Variants in PIEZO2 observed in about 807,000 individuals in gnomAD.
PIEZO2 encodes the protein piezo type mechanosensitive ion channel component 2, also known as piezo-type mechanosensitive ion channel component 2.
Under a neutral mutation model 337.3 loss-of-function variants are expected in PIEZO2, and 172 were observed. The observed-to-expected ratio is 0.51, with a 90% CI of 0.45 to 0.58. The LOEUF (loss-of-function observed/expected upper bound fraction) is 0.58, where lower values mean the gene tolerates loss of function less well. Ranked by LOEUF, PIEZO2 falls within the 20% of genes least tolerant of loss-of-function variation. The probability of loss-of-function intolerance (pLI) is 0.00; values close to 1 mark genes in which losing one functional copy is unlikely to be tolerated. For synonymous variants in PIEZO2, 1,251 were observed against 1,228.5 expected, an observed-to-expected ratio of 1.02 and a Z score of -0.38; for missense variants, 3,028 against 3,391.3, an observed-to-expected ratio of 0.89 and a Z score of 2.66.
At chr18:10,984,199 T>C (rs1051281204) in intron 2 of PIEZO2, among the ~76,000 whole-genome samples, 2 of 151,342 alleles carry the variant, frequency 1.3e-5, no homozygotes, top group African/African-American at 4.9e-5. Flanking sequence ...TTCAAGAAAA[T>C]ATGACATCAC....
In PIEZO2 at chr18:10,856,598, A is replaced by T. The variant is rs975431499; in HGVS notation, c.703+403T>A. Among the ~76,000 whole-genome samples the T allele has an allele frequency of 6.6e-6, 1 of 152,218 alleles. No homozygotes were observed. The highest frequency in any genetic ancestry group is 6.5e-5 in the Admixed American group (1 of 15,288). The stretch of plus-strand genomic sequence containing the variant: ...TATCCTGGAGAGTTATATTAAGGTG[A>T]CTATGGACTCATGTAAGCAGACAGA... On this transcript the variant is annotated intron_variant, in intron 6 of 55. Transcript: ENST00000674853. The surrounding 1 kb of genome is among the most constrained non-coding windows in gnomAD (Gnocchi z 4.7).
chr18:10,921,571 T>C (rs2031406582), intron 3 of PIEZO2, among the ~76,000 whole-genome samples: 1 of 152,076 alleles, frequency 6.6e-6, no homozygotes, highest in Non-Finnish European at 1.5e-5. Context: ...CTGTGATAAT[T>C]GCACTAACTG....
At chr18:10,931,251 G>C (rs2032065550) in intron 3 of PIEZO2, among the ~76,000 whole-genome samples, 1 of 152,146 alleles carries the variant, frequency 6.6e-6, no homozygotes, top group Non-Finnish European at 1.5e-5. Context: ...CCAGGCTGGA[G>C]TGCAGTGGCG....
Position 10,953,900 on chromosome 18 carries a change from C to T in PIEZO2, c.286+25635G>A, listed in dbSNP as rs573816084. ...CCCTGGTTACTATGTGAGGACGATA[C>T]TGCCTTGTTTTAATGATTTGCGGCT... On this transcript the variant is annotated intron_variant, in intron 3 of 55. Coordinates refer to ENST00000674853, the MANE Select transcript of PIEZO2 (RefSeq NM_001378183.1). This position sits in a 1 kb window ranked among gnomAD's most constrained non-coding sequence, Gnocchi z 5.2. 3.3e-5 allele frequency among the ~76,000 whole-genome samples: 5 copies of T among 152,276 alleles called. No individual in the cohort carries two copies. Among genetic ancestry groups the T allele is most frequent in the Admixed American group, 3.3e-4 (5 of 15,298 alleles).
In PIEZO2 at chr18:11,027,937, T is replaced by C. The variant is rs1397633878; in HGVS notation, c.160+38190A>G. On this transcript the variant is annotated intron_variant, in intron 2 of 55. Coordinates refer to ENST00000674853, the MANE Select transcript of PIEZO2 (RefSeq NM_001378183.1). This position sits in a 1 kb window ranked among gnomAD's most constrained non-coding sequence, Gnocchi z 4.2. ...CTAGAAGAGCCTTCGTAGAGTACTC[T>C]TTGATAAATTCTTCAAACACTGTTT... Among the ~76,000 whole-genome samples, 2 of 152,242 alleles carry C rather than the reference T, an allele frequency of 1.3e-5. No homozygotes were observed. Among genetic ancestry groups the C allele is most frequent in the Non-Finnish European group, 2.9e-5 (2 of 68,056 alleles).
In PIEZO2 at chr18:11,016,682, T is replaced by A. The variant is rs1166179673; in HGVS notation, c.161-37022A>T. ...AATGCACAAAACAGGTACATGGTGT[T>A]GAAGAAATCATGTTTCATGATGAAA... On this transcript the variant is annotated intron_variant, in intron 2 of 55. Transcript: ENST00000674853. The surrounding 1 kb of genome is among the most constrained non-coding windows in gnomAD (Gnocchi z 5.6). 6.6e-6 allele frequency among the ~76,000 whole-genome samples: 1 copy of A among 152,228 alleles called. No individual in the cohort carries two copies. The highest frequency in any genetic ancestry group is 1.5e-5 in the Non-Finnish European group (1 of 68,030).
At chr18:10,911,679 T>C (rs1372082790) in intron 3 of PIEZO2, among the ~76,000 whole-genome samples, 1 of 152,058 alleles carries the variant, frequency 6.6e-6, no homozygotes, top group Non-Finnish European at 1.5e-5. Context: ...CACTTGAACA[T>C]GGAGGCAGAG....
At chr18:11,084,149 C>A (rs1157796208) in intron 1 of PIEZO2, among the ~76,000 whole-genome samples, 1 of 136,708 alleles carries the variant, frequency 7.3e-6, no homozygotes, top group African/African-American at 2.9e-5. Flanking sequence ...TTTACTCCAG[C>A]CTGGGCAAAA....
chr18:10,782,691 G>A (rs2039073391), intron 17 of PIEZO2, among the ~76,000 whole-genome samples: 1 of 151,136 alleles, frequency 6.6e-6, no homozygotes, highest in Non-Finnish European at 1.5e-5. Context: ...AGGAAGGCAA[G>A]TCAGGACTCA....
intron 40 of PIEZO2, among the ~76,000 whole-genome samples, chr18:10,706,469 C>T (rs2035592073): frequency 6.6e-6 from 1 of 152,160 alleles, no homozygotes; most frequent in South Asian, 2.1e-4. Context: ...CTCTCCTTGG[C>T]CCTTCTCCCT....
Position 10,696,930 on chromosome 18 carries a change from G to T in PIEZO2, c.6828-391C>A, listed in dbSNP as rs145057491. On this transcript the variant is annotated intron_variant, in intron 45 of 55. Transcript: ENST00000674853. ...GTTTTCTCATCTGTAAAACTGGAGT[G>T]ATGAGAAGACCTGATGCCTAGGGCC... is the stretch of plus-strand genomic sequence containing the variant. 2.3e-4 allele frequency among the ~76,000 whole-genome samples: 35 copies of T among 152,288 alleles called. No individual in the cohort carries two copies. In the East Asian group the frequency reaches 6.8e-3, roughly 29 times the overall value.
At position 10,752,621 on chromosome 18, in the gene PIEZO2, G is replaced by A; in HGVS notation, c.4167+15C>T. On this transcript the variant is annotated intron_variant, in intron 28 of 55. Transcript: ENST00000674853. ...ACGAAAACCGCAAATGTGTTATGCA[G>A]TGGCAACCACTTACTGACAGGATAT... 1 of 1,536,510 alleles carries A rather than the reference G, an allele frequency of 6.5e-7. No individual in the cohort carries two copies. Among genetic ancestry groups the A allele is most frequent in the South Asian group, 1.2e-5 (1 of 84,018 alleles).
chr18:10,681,684 T>G lies in PIEZO2; in HGVS notation c.7756A>C (p.Ile2586Leu). 2 of 1,606,364 alleles carry G rather than the reference T, an allele frequency of 1.2e-6. No homozygotes were observed. The highest frequency in any genetic ancestry group is 1.1e-5 in the South Asian group (1 of 90,860). Residue 2586 changes from isoleucine to leucine, a missense_variant, in exon 51 of 56, where the codon ATA becomes CTA. By Grantham distance (5) the Ile-to-Leu change is conservative. This residue lies in a region of PIEZO2 where 332 missense variants were observed against 363.8 expected (regional missense o/e 0.91). Coordinates refer to ENST00000674853, the MANE Select transcript of PIEZO2 (RefSeq NM_001378183.1). ...ACGGTGTCCCTAGAAAAAGCTTGTA[T>G]AAATTTGTTAAAGCTCTGCTGGTCC... Reference protein sequence around the residue: ...VMDQQSFNKFIQAFSRDTGAM... With the variant: ...VMDQQSFNKFLQAFSRDTGAM...
chr18:10,869,657 T>C (rs929502753), intron 5 of PIEZO2, among the ~76,000 whole-genome samples: 18 of 152,174 alleles, frequency 1.2e-4, no homozygotes, highest in South Asian at 6.2e-4. Flanking sequence ...TGTCTTACAA[T>C]TGGAATGTCA....
chr18:10,990,780 G>C (rs1264278751), intron 2 of PIEZO2, among the ~76,000 whole-genome samples: 1 of 149,718 alleles, frequency 6.7e-6, no homozygotes, highest in African/African-American at 2.4e-5. Flanking sequence ...TTCTTCTTTA[G>C]ACTATTAATG....
chr18:11,075,934 T>C (rs963410614), intron 1 of PIEZO2, among the ~76,000 whole-genome samples: 8 of 151,890 alleles, frequency 5.3e-5, no homozygotes, highest in African/African-American at 7.3e-5. Flanking sequence ...GGACTACAGG[T>C]GCCCGCCACC....
chr18:11,068,228 G>A (rs7228002), intron 1 of PIEZO2, among the ~76,000 whole-genome samples: 16,421 of 152,206 alleles, frequency 0.11, 1,161 homozygotes, highest in African/African-American at 0.2. Flanking sequence ...CAGAATACAC[G>A]TTCTTCTTAA....
intron 1 of PIEZO2, among the ~76,000 whole-genome samples, chr18:11,108,613 CAAAAAAAAAAAAA>C (rs532226919): frequency 3.5e-5 from 2 of 56,858 alleles, no homozygotes; most frequent in African/African-American, 1.4e-4. Context: ...GACTCCCTCT[CAAAAAAAAAAAAA>C]AAAAAAAAAA....
At chr18:10,919,222 T>C (rs2031221906) in intron 3 of PIEZO2, among the ~76,000 whole-genome samples, 1 of 152,156 alleles carries the variant, frequency 6.6e-6, no homozygotes, top group African/African-American at 2.4e-5. Flanking sequence ...CCATTGTCTA[T>C]TAGATGTTTG....
Sources: gnomAD v4.1 joint callset for allele counts (sites outside exome capture counted in the v4.1 genomes callset) on GRCh38, gnomAD v4.1.1 for gene constraint, gnomAD v4.1.1 regional missense constraint, Gnocchi (gnomAD v3.1) non-coding constraint, MANE v1.5 for transcripts, NCBI Gene and HGNC (gene_info 2026-07-23, HGNC 2026-07-21) for gene names.